The following IL1RAPL2 variants were observed in gnomAD, a reference collection of about 807,000 sequenced individuals.
IL1RAPL2 encodes X-linked interleukin-1 receptor accessory protein-like 2.
In IL1RAPL2, 3 loss-of-function variants were observed where a neutral mutation model predicts 44.1. That is an observed-to-expected ratio of 0.07 (90% CI 0.03 to 0.18). The LOEUF (loss-of-function observed/expected upper bound fraction) is 0.18, where lower values mean the gene tolerates loss of function less well. IL1RAPL2 is among the 10% of genes least tolerant of loss of function. The probability of loss-of-function intolerance (pLI) is 1.00; values close to 1 mark genes in which losing one functional copy is unlikely to be tolerated. For synonymous variants in IL1RAPL2, 181 were observed against 178.8 expected (o/e 1.01, Z -0.10); for missense variants, 391 against 496.4 (o/e 0.79, Z 2.02).
chrX:105,162,033 T>A (rs1028075943), intron 2 of IL1RAPL2, among the ~76,000 whole-genome samples: 7 of 112,241 alleles, frequency 6.2e-5, no homozygotes, highest in Non-Finnish European at 9.4e-5. Context: ...CAACCCAGTC[T>A]ATGCCCACTC....
chrX:104,847,193 T>C (rs761532326), intron 2 of IL1RAPL2, among the ~76,000 whole-genome samples: 3 of 112,191 alleles, frequency 2.7e-5, no homozygotes, highest in East Asian at 5.6e-4. Context: ...AGCTCTTTAG[T>C]TTAATTAGAT....
chrX:105,310,269 A>C (rs1057474606), intron 5 of IL1RAPL2, among the ~76,000 whole-genome samples: 4 of 111,350 alleles, frequency 3.6e-5, no homozygotes, highest in African/African-American at 1.3e-4. Context: ...ATATTGCCTT[A>C]ATATTCTTAT....
chrX:105,408,860 T>TA (rs1243218299), intron 5 of IL1RAPL2, among the ~76,000 whole-genome samples: 1 of 73,318 alleles, frequency 1.4e-5, no homozygotes, highest in Non-Finnish European at 2.6e-5. Context: ...ACAGCATTAA[T>TA]AAATGATATA....
intron 2 of IL1RAPL2, among the ~76,000 whole-genome samples, chrX:104,793,190 A>T (rs1181737701): frequency 8.9e-6 from 1 of 111,900 alleles, no homozygotes; most frequent in Non-Finnish European, 1.9e-5. Flanking sequence ...TTGTTTTCAT[A>T]TTTCAATTTG....
chrX:105,564,520 AT>A (rs937163489), intron 6 of IL1RAPL2, among the ~76,000 whole-genome samples: 1 of 112,273 alleles, frequency 8.9e-6, no homozygotes, highest in Non-Finnish European at 1.9e-5. Context: ...GATAACAAGG[AT>A]TTTTCCCCCT....
chrX:105,189,056 T>C (rs782349873), intron 2 of IL1RAPL2, among the ~76,000 whole-genome samples: 18 of 111,599 alleles, frequency 1.6e-4, no homozygotes, highest in African/African-American at 5.5e-4. Flanking sequence ...AAACTTTTCT[T>C]AGATGGGGGC....
At chrX:104,851,394 T>C (rs1922221359) in intron 2 of IL1RAPL2, among the ~76,000 whole-genome samples, 1 of 111,749 alleles carries the variant, frequency 8.9e-6, no homozygotes, top group Admixed American at 9.5e-5. Context: ...ACCAGAAGGA[T>C]CCTTGTCTTT....
chrX:104,888,793 T>C lies in IL1RAPL2; in HGVS notation c.82+229798T>C, dbSNP rs535399244. 2.4e-4 allele frequency among the ~76,000 whole-genome samples: 27 copies of C among 110,476 alleles called. No homozygotes were observed. The South Asian group carries it at 0.01, about 41-fold the overall frequency. On this transcript the variant is annotated intron_variant, in intron 2 of 10. Transcript: ENST00000372582. The stretch of plus-strand genomic sequence containing the variant: ...ATGAAGGAAAAGACCCTTTCCAACT[T>C]CTAAATATGCAATCATTAGCCAAAT...
chrX:105,226,126 A>C (rs2147631068), intron 3 of IL1RAPL2, among the ~76,000 whole-genome samples: 1 of 111,661 alleles, frequency 9.0e-6, no homozygotes, highest in South Asian at 3.7e-4. Context: ...GTGTTTCTTA[A>C]GCTTGGGGTT....
chrX:105,527,501 ATGT>A (rs986011574), intron 6 of IL1RAPL2, among the ~76,000 whole-genome samples: 7 of 105,938 alleles, frequency 6.6e-5, no homozygotes, highest in Admixed American at 2.1e-4. Context: ...AGGGATTTTA[ATGT>A]TGTTGTTGTT....
chrX:105,608,855 T>G (rs747155406), intron 6 of IL1RAPL2, among the ~76,000 whole-genome samples: 110 of 112,140 alleles, frequency 9.8e-4, no homozygotes, highest in African/African-American at 3.5e-3. Context: ...AGTTTTTTCT[T>G]GGTTTGTCTA....
At chrX:105,512,054 C>T (rs2036474164) in intron 6 of IL1RAPL2, among the ~76,000 whole-genome samples, 1 of 110,835 alleles carries the variant, frequency 9.0e-6, no homozygotes, top group African/African-American at 3.3e-5. Flanking sequence ...TGTCTTTTCT[C>T]TCTAATTTCA....
At chrX:105,405,143 G>A (rs923767138) in intron 5 of IL1RAPL2, among the ~76,000 whole-genome samples, 1 of 111,280 alleles carries the variant, frequency 9.0e-6, no homozygotes, top group Admixed American at 9.6e-5. Context: ...TTGATTTTTG[G>A]AGTTTCAAAG....
chrX:104,736,651 C>G (rs1932018116), intron 2 of IL1RAPL2, among the ~76,000 whole-genome samples: 1 of 112,145 alleles, frequency 8.9e-6, no homozygotes. Flanking sequence ...CTTCTTAAAG[C>G]AATTTTAAAA....
intron 1 of IL1RAPL2, among the ~76,000 whole-genome samples, chrX:104,623,164 A>C (rs1367208536): frequency 9.0e-6 from 1 of 111,481 alleles, no homozygotes; most frequent in African/African-American, 3.3e-5. Context: ...TTACTTCTAA[A>C]CAGTAAGAAA....
intron 2 of IL1RAPL2, among the ~76,000 whole-genome samples, chrX:105,174,104 C>T (rs2033450978): frequency 9.0e-6 from 1 of 111,232 alleles, no homozygotes; most frequent in African/African-American, 3.3e-5. Context: ...CCTACCACTT[C>T]TAGAGGGAAC....
intron 2 of IL1RAPL2, among the ~76,000 whole-genome samples, chrX:105,001,982 T>C (rs1253385278): frequency 9.0e-6 from 1 of 110,748 alleles, no homozygotes; most frequent in Non-Finnish European, 1.9e-5. Context: ...GGGACCAAAG[T>C]GAAAGCAAAG....
intron 6 of IL1RAPL2, among the ~76,000 whole-genome samples, chrX:105,570,771 A>C (rs2037009115): frequency 8.9e-6 from 1 of 111,883 alleles, no homozygotes; most frequent in African/African-American, 3.2e-5. Flanking sequence ...ACATGTTTGC[A>C]TCAGAAAGGA....
At chrX:105,300,755 G>C (rs1053018430) in intron 5 of IL1RAPL2, among the ~76,000 whole-genome samples, 1 of 111,116 alleles carries the variant, frequency 9.0e-6, no homozygotes, top group Non-Finnish European at 1.9e-5. Flanking sequence ...TGAGTTGGTG[G>C]AAAAATTTAG....
Sources: allele counts gnomAD v4.1 joint callset (sites outside exome capture counted in the v4.1 genomes callset), GRCh38; gene constraint gnomAD v4.1.1; transcripts MANE v1.5; gene names NCBI Gene and HGNC (gene_info 2026-07-23, HGNC 2026-07-21).